Variants in TENT4A observed in about 807,000 individuals in gnomAD.
TENT4A encodes terminal nucleotidyltransferase 4A.
TENT4A carries 7 observed loss-of-function variants against 72.8 expected under a neutral mutation model. The observed-to-expected ratio is 0.10, with a 90% CI of 0.05 to 0.18. The LOEUF (loss-of-function observed/expected upper bound fraction) is 0.18. TENT4A is among the 10% of genes least tolerant of loss of function. The pLI, the probability that TENT4A is intolerant of heterozygous loss-of-function variation, is 1.00. For missense variants in TENT4A, 831 were observed against 1,017.7 expected, an observed-to-expected ratio of 0.82 and a Z score of 2.50; for synonymous variants, 456 against 434.3, an observed-to-expected ratio of 1.05 and a Z score of -0.62.
At chr5:6,735,291 C>T (rs180741250) in intron 1 of TENT4A, among the ~76,000 whole-genome samples, 1 of 152,268 alleles carries the variant, frequency 6.6e-6, no homozygotes, top group Non-Finnish European at 1.5e-5. Context: ...ATCCTCAGAA[C>T]AGGACTGTGA....
intron 3 of TENT4A, 55 bp downstream of exon 3, chr5:6,738,784 C>A: frequency 1.6e-6 from 2 of 1,240,176 alleles, no homozygotes; most frequent in Non-Finnish European, 2.4e-6. Flanking sequence ...GGTGTCTATG[C>A]AATATTAAGG....
chr5:6,737,764 G>T, intron 2 of TENT4A, 131 bp downstream of exon 2: 6 of 1,050,064 alleles, frequency 5.7e-6, no homozygotes, highest in Non-Finnish European at 8.0e-6. Flanking sequence ...TTCTCCAAGT[G>T]TGCTTTGAGA....
intron 6 of TENT4A, among the ~76,000 whole-genome samples, chr5:6,744,266 A>G (rs987761064): frequency 2.0e-5 from 3 of 152,246 alleles, no homozygotes; most frequent in African/African-American, 7.2e-5. Context: ...ATGAAACATC[A>G]TTATTTTGTC....
In TENT4A at chr5:6,739,717, G is replaced by A. The variant is rs28363354; in HGVS notation, c.888-15G>A. On this transcript the variant is annotated splice_polypyrimidine_tract_variant and intron_variant, in intron 3 of 12. Transcript: ENST00000230859. ...GCGAGGGGAGCAGTGGCTGACGTGC[G>A]TTTTCTTCTGTCAGCGACATAGACC... is the stretch of plus-strand genomic sequence containing the variant. 1,229 of 1,613,634 alleles carry A rather than the reference G, an allele frequency of 7.6e-4. 7 individuals carry two copies. The African/African-American group carries it at 0.014, about 18-fold the overall frequency.
rs1215957422 is a variant in TENT4A, at chr5:6,714,634, C to G, written c.651C>G (p.Pro217=). 40 of 1,198,702 alleles carry G rather than the reference C, an allele frequency of 3.3e-5. No homozygotes were observed. In the East Asian group the frequency reaches 1.3e-3, roughly 39 times the overall value. The allele number at this position is 1,198,702 out of a possible 1,614,324, so 74.3% of individuals were successfully genotyped here. ...RAAALSGGGG[P]GAQAPRPGTP... is the part of the protein sequence containing the mutation. ...CCGCTCTCAGCGGAGGGGGCGGCCC[C>G]GGGGCCCAGGCGCCGCGGCCCGGCA... is the stretch of plus-strand genomic sequence containing the variant. The change falls in exon 1 of 13, where the codon CCC becomes CCG. Residue 217 remains proline (P), a synonymous_variant. Transcript: ENST00000230859.
intron 1 of TENT4A, among the ~76,000 whole-genome samples, chr5:6,723,933 A>T (rs182053406): frequency 4.6e-5 from 7 of 152,348 alleles, no homozygotes; most frequent in African/African-American, 1.7e-4. Context: ...GTTGCATTCT[A>T]TGAAGAGTGG....
rs55840324 is a variant in TENT4A, at chr5:6,722,547, GTTTTTTTTT to G, written c.716+7861_716+7869del. 1.6e-5 allele frequency among the ~76,000 whole-genome samples: 2 copies of G among 123,266 alleles called. 1 individual carries two copies. Among genetic ancestry groups the G allele is most frequent in the South Asian group, 5.3e-4 (2 of 3,750 alleles). The allele number at this position is 123,266 out of a possible 152,430, so 80.9% of individuals were successfully genotyped here. A position where few individuals can be genotyped will look rare whatever the true frequency, so the allele number is the denominator to read the frequency against. ...GTCTGTTCTAGTTTTGCATTTGTTA[GTTTTTTTTT>G]TTTTTTTTTTTTAACTGTTCTGAAG... On this transcript the variant is annotated intron_variant, in intron 1 of 12. Transcript: ENST00000230859.
chr5:6,725,773 TA>T (rs1276049180), intron 1 of TENT4A, among the ~76,000 whole-genome samples: 18 of 152,296 alleles, frequency 1.2e-4, no homozygotes, highest in Non-Finnish European at 2.2e-4. Context: ...CCTCTCTCTC[TA>T]GGCTCGTGTA....
chr5:6,735,664 C>G (rs553747917), intron 1 of TENT4A, among the ~76,000 whole-genome samples: 1 of 152,084 alleles, frequency 6.6e-6, no homozygotes, highest in East Asian at 1.9e-4. Flanking sequence ...GTAGTTTGAT[C>G]AGTTTGGAAA....
intron 4 of TENT4A, 52 bp downstream of exon 4, chr5:6,739,904 C>A (rs1415195281): frequency 1.3e-6 from 2 of 1,577,160 alleles, no homozygotes; most frequent in South Asian, 1.1e-5. Flanking sequence ...TGTCACATCC[C>A]AGGTGGTCAC....
intron 10 of TENT4A, chr5:6,750,719 C>T (rs1013121530): frequency 2.9e-5 from 16 of 549,148 alleles, no homozygotes; most frequent in Non-Finnish European, 2.5e-5. Context: ...ACTCATGCGG[C>T]TGTCGAGGGC....
chr5:6,728,842 T>C (rs1285735553), intron 1 of TENT4A, among the ~76,000 whole-genome samples: 1 of 152,394 alleles, frequency 6.6e-6, no homozygotes, highest in South Asian at 2.1e-4. Flanking sequence ...AAAGCAATGA[T>C]GACTTATTGA....
intron 1 of TENT4A, among the ~76,000 whole-genome samples, chr5:6,723,818 C>CACTG (rs1740775666): frequency 6.6e-6 from 1 of 152,214 alleles, no homozygotes; most frequent in Admixed American, 6.5e-5. Context: ...CAGTCCTGCG[C>CACTG]AGTAGTACGC....
At chr5:6,749,977 T>G (rs1742307325) in intron 9 of TENT4A, among the ~76,000 whole-genome samples, 1 of 152,194 alleles carries the variant, frequency 6.6e-6, no homozygotes, top group African/African-American at 2.4e-5. Flanking sequence ...ATAATTAAGA[T>G]ATTTTATAGC....
chr5:6,746,192 T>G (rs2126647864), intron 6 of TENT4A, 22 bp from the exon 7 acceptor site: 8 of 1,614,116 alleles, frequency 5.0e-6, no homozygotes, highest in Non-Finnish European at 6.8e-6. Flanking sequence ...CCATACAAAT[T>G]GTGGGTGCAT....
At chr5:6,730,103 C>T (rs56674425) in intron 1 of TENT4A, among the ~76,000 whole-genome samples, 2,970 of 152,246 alleles carry the variant, frequency 0.02, 66 homozygotes, top group African/African-American at 0.057. Context: ...CCGCCCCCCC[C>T]CGGAGTGGCC....
chr5:6,714,761 G>GGTCCTGGCCGGCGCCCGCA, intron 1 of TENT4A, 62 bp downstream of exon 1: 2 of 956,362 alleles, frequency 2.1e-6, no homozygotes, highest in Non-Finnish European at 1.3e-6. Flanking sequence ...CGGCGCCCGC[G>GGTCCTGGCCGGCGCCCGCA]GTGCAGACAC....
At chr5:6,751,385 C>A in intron 11 of TENT4A, 188 bp downstream of exon 11, 1 of 616,136 alleles carries the variant, frequency 1.6e-6, no homozygotes. Flanking sequence ...TGTATAGTTT[C>A]AGCAGCGAGG....
intron 1 of TENT4A, among the ~76,000 whole-genome samples, chr5:6,730,098 C>G (rs1052342044): frequency 3.3e-5 from 5 of 152,040 alleles, no homozygotes; most frequent in Non-Finnish European, 5.9e-5. Context: ...TTTCTCCGCC[C>G]CCCCCCGGAG....
Sources: gnomAD v4.1 joint callset for allele counts (sites outside exome capture counted in the v4.1 genomes callset) on GRCh38, gnomAD v4.1.1 for gene constraint, MANE v1.5 for transcripts, NCBI Gene and HGNC (gene_info 2026-07-23, HGNC 2026-07-21) for gene names.